Variants in TRAF3 observed in about 807,000 individuals in gnomAD.
The protein encoded by TRAF3 is TNF receptor associated factor 3.
TRAF3 carries 13 observed loss-of-function variants against 62.3 expected under a neutral mutation model. The ratio of observed to expected loss-of-function variants is 0.21; its 90% CI spans 0.14 to 0.33. TRAF3 has a LOEUF of 0.33. Ranked by LOEUF, TRAF3 falls within the 10% of genes least tolerant of loss-of-function variation. The pLI, the probability that TRAF3 is intolerant of heterozygous loss-of-function variation, is 1.00. For missense variants in TRAF3, 440 were observed against 741.8 expected, an observed-to-expected ratio of 0.59 and a Z score of 4.73; for synonymous variants, 269 against 283.4, an observed-to-expected ratio of 0.95 and a Z score of 0.51.
At chr14:102,860,276 C>T (rs570256551) in intron 2 of TRAF3, among the ~76,000 whole-genome samples, 6 of 152,114 alleles carry the variant, frequency 3.9e-5, no homozygotes, top group Non-Finnish European at 8.8e-5. Context: ...TTTCTGATAC[C>T]CCCAAAGTAA....
At chr14:102,853,038 A>G (rs758741854) in intron 2 of TRAF3, among the ~76,000 whole-genome samples, 1 of 152,006 alleles carries the variant, frequency 6.6e-6, no homozygotes, top group Non-Finnish European at 1.5e-5. Context: ...AGTAGCTGGG[A>G]CTGCAGGCTC....
chr14:102,806,325 T>G (rs1883611536), intron 1 of TRAF3, among the ~76,000 whole-genome samples: 1 of 152,172 alleles, frequency 6.6e-6, no homozygotes, highest in Non-Finnish European at 1.5e-5. Context: ...ATTCAGTCTC[T>G]TTAGTCATTA....
intron 1 of TRAF3, among the ~76,000 whole-genome samples, chr14:102,778,776 G>C (rs2140039190): frequency 6.6e-6 from 1 of 152,216 alleles, no homozygotes; most frequent in Admixed American, 6.5e-5. Context: ...AATGTTGTTT[G>C]CTGTTACCCT....
chr14:102,874,634 A>G (rs576730908), intron 4 of TRAF3, among the ~76,000 whole-genome samples: 174 of 148,470 alleles, frequency 1.2e-3, no homozygotes, highest in Admixed American at 2.4e-3. Context: ...TAAAAGTTGA[A>G]AGGTTTTTTC....
At chr14:102,873,161 C>T (rs1356116641) in intron 4 of TRAF3, among the ~76,000 whole-genome samples, 1 of 152,214 alleles carries the variant, frequency 6.6e-6, no homozygotes, top group Non-Finnish European at 1.5e-5. Context: ...GTCAGAGCAG[C>T]CCAGGTGAGT....
chr14:102,862,765 C>T (rs1483600201), intron 2 of TRAF3, among the ~76,000 whole-genome samples: 1 of 152,040 alleles, frequency 6.6e-6, no homozygotes, highest in East Asian at 1.9e-4. Flanking sequence ...GATGGTGTCC[C>T]ACAAGTCTCT....
chr14:102,819,512 A>G (rs1033088767), intron 1 of TRAF3, among the ~76,000 whole-genome samples: 2 of 152,220 alleles, frequency 1.3e-5, no homozygotes, highest in African/African-American at 4.8e-5. Flanking sequence ...GAATGAACAC[A>G]TGTATAAACT....
At chr14:102,847,791 A>T (rs902094048) in intron 2 of TRAF3, among the ~76,000 whole-genome samples, 2 of 152,204 alleles carry the variant, frequency 1.3e-5, no homozygotes, top group East Asian at 3.8e-4. Flanking sequence ...TGGCTTTAGC[A>T]ATTTCATTCT....
intron 1 of TRAF3, among the ~76,000 whole-genome samples, chr14:102,801,567 C>G (rs1595298714): frequency 6.6e-6 from 1 of 152,150 alleles, no homozygotes; most frequent in Non-Finnish European, 1.5e-5. Context: ...CAGTGTCTCA[C>G]TCTGTCACCC....
intron 2 of TRAF3, among the ~76,000 whole-genome samples, chr14:102,847,585 G>A (rs1411605340): frequency 6.6e-6 from 1 of 152,190 alleles, no homozygotes; most frequent in Non-Finnish European, 1.5e-5. Flanking sequence ...GATAAGGTTG[G>A]CGTTGCTTTG....
intron 2 of TRAF3, among the ~76,000 whole-genome samples, chr14:102,856,449 T>C (rs546322275): frequency 2.0e-5 from 3 of 152,336 alleles, no homozygotes; most frequent in Non-Finnish European, 4.4e-5. Context: ...GAAGTGTCTT[T>C]TAGCATGCTG....
chr14:102,811,094 T>C (rs939386803), intron 1 of TRAF3, among the ~76,000 whole-genome samples: 4 of 152,222 alleles, frequency 2.6e-5, no homozygotes, highest in African/African-American at 7.2e-5. Context: ...GCATCTTTTT[T>C]CAGTATGTAT....
At chr14:102,900,618 G>A (rs376595605) in intron 10 of TRAF3, among the ~76,000 whole-genome samples, 5 of 152,350 alleles carry the variant, frequency 3.3e-5, no homozygotes, top group South Asian at 2.1e-4. Flanking sequence ...AGAGGAGCAC[G>A]CACTGGGACA....
intron 1 of TRAF3, among the ~76,000 whole-genome samples, chr14:102,783,243 C>T (rs935904029): frequency 5.9e-5 from 9 of 152,114 alleles, no homozygotes; most frequent in Non-Finnish European, 1.3e-4. Flanking sequence ...CCTCCTTTAA[C>T]GGTGTGTTCC....
In TRAF3 at chr14:102,909,695, G is replaced by A. The variant is rs1200864149; in HGVS notation, c.*3911G>A. ...CCCATGACCCCGTGTGGCCCAGCTC[G>A]GTGAGGATGCAGTTCTAGGCACAGC... On this transcript the variant is annotated 3_prime_UTR_variant, in exon 12 of 12. Transcript: ENST00000392745. The A allele has an allele frequency of 6.6e-6, 1 of 152,318 alleles. No individual in the cohort carries two copies. Among genetic ancestry groups the A allele is most frequent in the Non-Finnish European group, 1.5e-5 (1 of 68,160 alleles). The allele number at this position is 152,318 out of a possible 1,614,324, so 9.4% of individuals were successfully genotyped here.
At chr14:102,878,335 T>C (rs774589337) in intron 6 of TRAF3, among the ~76,000 whole-genome samples, 9 of 142,444 alleles carry the variant, frequency 6.3e-5, no homozygotes, top group Non-Finnish European at 9.1e-5. Context: ...TGGGGGTGAG[T>C]GTGTGAATGT....
In TRAF3 at chr14:102,807,339, C is replaced by T. The variant is rs114561599; in HGVS notation, c.-156-22995C>T. ...TGCCTGTCCTGCCTGCTGCCTTGTC[C>T]TCCTTTCTCCAGGGGCCTGGGGCCT... is the stretch of plus-strand genomic sequence containing the variant. On this transcript the variant is annotated intron_variant, in intron 1 of 11. Coordinates refer to ENST00000392745, the MANE Select transcript of TRAF3 (RefSeq NM_145725.3). 4.3e-3 allele frequency among the ~76,000 whole-genome samples: 660 copies of T among 152,320 alleles called. 3 individuals carry two copies. Among genetic ancestry groups the T allele is most frequent in the African/African-American group, 0.015 (643 of 41,570 alleles).
Position 102,837,152 on chromosome 14 carries a change from G to GC in TRAF3, c.-18+6680_-18+6681insC, listed in dbSNP as rs1313178793. ...TGTGTGTGTGTGTGTGTTTTTTTTG[G>GC]GGGGGGGTGAAGGTCTTGCTCTGTT... On this transcript the variant is annotated intron_variant, in intron 2 of 11. Coordinates refer to ENST00000392745, the MANE Select transcript of TRAF3 (RefSeq NM_145725.3). Among the ~76,000 whole-genome samples the GC allele has an allele frequency of 3.3e-5, 5 of 150,208 alleles. No individual in the cohort carries two copies. In the South Asian group the frequency reaches 8.6e-4, roughly 26 times the overall value.
intron 1 of TRAF3, among the ~76,000 whole-genome samples, chr14:102,804,520 C>T (rs1898650513): frequency 6.6e-6 from 1 of 152,152 alleles, no homozygotes; most frequent in African/African-American, 2.4e-5. Context: ...CAGGGTCTCA[C>T]TCTGTTGCCC....
Sources: allele counts gnomAD v4.1 joint callset (sites outside exome capture counted in the v4.1 genomes callset), GRCh38; gene constraint gnomAD v4.1.1; transcripts MANE v1.5; gene names NCBI Gene and HGNC (gene_info 2026-07-23, HGNC 2026-07-21).